The following DCC variants were observed in gnomAD, a reference collection of about 807,000 sequenced individuals.
DCC encodes DCC netrin 1 receptor.
In DCC, 58 loss-of-function variants were observed where a neutral mutation model predicts 172.5. The ratio of observed to expected loss-of-function variants is 0.34; its 90% CI spans 0.27 to 0.42. The LOEUF (loss-of-function observed/expected upper bound fraction) is 0.42, where lower values mean the gene tolerates loss of function less well. Among genes scored for constraint, DCC ranks in the 10% least tolerant of loss-of-function variants. The pLI, the probability that DCC is intolerant of heterozygous loss-of-function variation, is 1.00. For missense variants in DCC, 1,740 were observed against 1,791.0 expected (o/e 0.97, Z 0.51); for synonymous variants, 709 against 644.5 (o/e 1.10, Z -1.52).
intron 16 of DCC, among the ~76,000 whole-genome samples, chr18:53,390,811 G>A (rs1186434960): frequency 6.6e-6 from 1 of 152,134 alleles, no homozygotes; most frequent in African/African-American, 2.4e-5. Flanking sequence ...TCATAAGTCT[G>A]TAGGTAGTTA....
intron 12 of DCC, among the ~76,000 whole-genome samples, chr18:53,277,038 A>T (rs948480174): frequency 6.6e-6 from 1 of 152,192 alleles, no homozygotes; most frequent in African/African-American, 2.4e-5. Context: ...AGATAGTCAG[A>T]TAAGAGAATT....
chr18:52,633,635 T>C (rs2034718212), intron 1 of DCC, among the ~76,000 whole-genome samples: 1 of 152,172 alleles, frequency 6.6e-6, no homozygotes. Context: ...TTTGCAACAA[T>C]ATTCAGTGGT....
At chr18:53,427,621 C>T (rs892425031) in intron 21 of DCC, among the ~76,000 whole-genome samples, 1 of 151,072 alleles carries the variant, frequency 6.6e-6, no homozygotes, top group African/African-American at 2.4e-5. Flanking sequence ...CTTTTCTCAC[C>T]TGAAATCTTT....
At chr18:52,599,667 C>T (rs1424405670) in intron 1 of DCC, among the ~76,000 whole-genome samples, 1 of 152,044 alleles carries the variant, frequency 6.6e-6, no homozygotes, top group Non-Finnish European at 1.5e-5. Context: ...GGCGCTGCTA[C>T]CACGCCTGAC....
chr18:52,966,065 C>T (rs956503471), intron 5 of DCC, among the ~76,000 whole-genome samples: 1 of 152,126 alleles, frequency 6.6e-6, no homozygotes, highest in Non-Finnish European at 1.5e-5. Context: ...CTTGAAAATA[C>T]CTGAGATAGA....
chr18:53,226,949 T>TATATATATATATATATATTTTA (rs1555734428), intron 12 of DCC, among the ~76,000 whole-genome samples: 1 of 47,478 alleles, frequency 2.1e-5, no homozygotes, highest in African/African-American at 1.2e-4. Flanking sequence ...TATATATATA[T>TATATATATATATATATATTTTA]TTTTTTTTTT....
chr18:52,902,942 C>A (rs554385281), intron 2 of DCC, among the ~76,000 whole-genome samples: 2 of 152,158 alleles, frequency 1.3e-5, no homozygotes, highest in Non-Finnish European at 2.9e-5. Flanking sequence ...GCAGTTCTGG[C>A]CCTGGCTTGT....
intron 26 of DCC, among the ~76,000 whole-genome samples, chr18:53,487,219 A>C (rs1474177102): frequency 1.3e-5 from 2 of 152,200 alleles, no homozygotes; most frequent in Admixed American, 1.3e-4. Context: ...TGGTTCCATC[A>C]AACAATGATG....
intron 27 of DCC, among the ~76,000 whole-genome samples, chr18:53,506,875 AG>A (rs1358508398): frequency 7.3e-6 from 1 of 136,416 alleles, no homozygotes; most frequent in Non-Finnish European, 1.6e-5. Flanking sequence ...AAAAAAAAAA[AG>A]GAGGAGGAGT....
intron 1 of DCC, among the ~76,000 whole-genome samples, chr18:52,724,524 A>C (rs907642106): frequency 6.6e-6 from 1 of 151,918 alleles, no homozygotes; most frequent in African/African-American, 2.4e-5. Flanking sequence ...AATTTGCCTA[A>C]ATTTCCTGTG....
intron 16 of DCC, among the ~76,000 whole-genome samples, chr18:53,390,276 TG>T (rs1908460429): frequency 6.6e-6 from 1 of 152,176 alleles, no homozygotes; most frequent in Non-Finnish European, 1.5e-5. Context: ...CTTTTATTTT[TG>T]TTTTTGTTTT....
At chr18:52,731,561 G>A (rs2036642971) in intron 1 of DCC, among the ~76,000 whole-genome samples, 3 of 152,140 alleles carry the variant, frequency 2.0e-5, no homozygotes, top group Non-Finnish European at 4.4e-5. Context: ...ACATATACAA[G>A]CATTTCTGCA....
intron 12 of DCC, among the ~76,000 whole-genome samples, chr18:53,260,220 G>T (rs907064427): frequency 6.6e-6 from 1 of 151,956 alleles, no homozygotes; most frequent in Non-Finnish European, 1.5e-5. Flanking sequence ...GTCATTCTCC[G>T]TCCAGCTTTG....
At chr18:52,551,694 T>G (rs2032774017) in intron 1 of DCC, among the ~76,000 whole-genome samples, 1 of 151,200 alleles carries the variant, frequency 6.6e-6, no homozygotes, top group South Asian at 2.1e-4. Context: ...TGAAAGGTCA[T>G]GCAGCCTCCC....
At chr18:53,195,866 G>T (rs2055436041) in intron 9 of DCC, among the ~76,000 whole-genome samples, 1 of 152,062 alleles carries the variant, frequency 6.6e-6, no homozygotes, top group Non-Finnish European at 1.5e-5. Flanking sequence ...TTTTAGCCTT[G>T]ATTATATATG....
chr18:53,409,386 C>T (rs570090526), intron 19 of DCC, among the ~76,000 whole-genome samples: 19 of 152,196 alleles, frequency 1.2e-4, no homozygotes, highest in African/African-American at 4.6e-4. Context: ...AAGAAAACGA[C>T]TTACAAAGAA....
At chr18:53,247,720 C>T (rs1395677993) in intron 12 of DCC, among the ~76,000 whole-genome samples, 1 of 151,974 alleles carries the variant, frequency 6.6e-6, no homozygotes, top group African/African-American at 2.4e-5. Flanking sequence ...TGATTTAATG[C>T]ACACTCTTGA....
intron 5 of DCC, among the ~76,000 whole-genome samples, chr18:52,981,464 T>G (rs1237769907): frequency 6.6e-6 from 1 of 152,118 alleles, no homozygotes; most frequent in Non-Finnish European, 1.5e-5. Context: ...ACAATGAGTA[T>G]CTTCTGAAAC....
intron 1 of DCC, among the ~76,000 whole-genome samples, chr18:52,476,422 G>A (rs577739178): frequency 2.0e-5 from 3 of 152,230 alleles, no homozygotes; most frequent in Non-Finnish European, 2.9e-5. Flanking sequence ...TGTCTGAGCC[G>A]AAGGCAGTAA....
Sources: allele counts gnomAD v4.1 joint callset (sites outside exome capture counted in the v4.1 genomes callset), GRCh38; gene constraint gnomAD v4.1.1; transcripts MANE v1.5; gene names NCBI Gene and HGNC (gene_info 2026-07-23, HGNC 2026-07-21).